MYO1B: variants seen among roughly 807,000 people sequenced by gnomAD.
MYO1B encodes the protein myosin IB.
MYO1B carries 72 observed loss-of-function variants against 159.7 expected under a neutral mutation model. The ratio of observed to expected loss-of-function variants is 0.45; its 90% CI spans 0.37 to 0.55. The LOEUF (loss-of-function observed/expected upper bound fraction) is 0.55. MYO1B is among the 20% of genes least tolerant of loss of function. The pLI is 0.00. For synonymous variants in MYO1B, 468 were observed against 473.8 expected (o/e 0.99, Z 0.16); for missense variants, 1,062 against 1,364.8 (o/e 0.78, Z 3.50).
At chr2:191,414,365 AC>A (rs1413986576) in intron 28 of MYO1B, 151 bp from the exon 29 acceptor site, 9 of 1,026,962 alleles carry the variant, frequency 8.8e-6, no homozygotes, top group Non-Finnish European at 1.2e-5. Flanking sequence ...ATGAAATAAA[AC>A]ATATTATTTA....
intron 29 of MYO1B, among the ~76,000 whole-genome samples, chr2:191,414,881 C>T (rs1159861976): frequency 6.6e-6 from 1 of 152,194 alleles, no homozygotes; most frequent in Admixed American, 6.5e-5. Context: ...CTTTTTGAGA[C>T]TAATACATAG....
rs73981596 is a variant in MYO1B, at chr2:191,359,224, T to C, written c.563-1407T>C. On this transcript the variant is annotated intron_variant, in intron 7 of 30. Coordinates refer to ENST00000392318, the MANE Select transcript of MYO1B (RefSeq NM_001130158.3). ...TGTCAGTTTTTACTTATTAATTGACTGAAACATTCCATTTTTTAGAGATGG... is the reference window on the plus strand; with the variant it reads ...TGTCAGTTTTTACTTATTAATTGACCGAAACATTCCATTTTTTAGAGATGG... 2.5e-3 allele frequency among the ~76,000 whole-genome samples: 379 copies of C among 152,268 alleles called. 3 individuals are homozygous for C. The highest frequency in any genetic ancestry group is 8.7e-3 in the African/African-American group (361 of 41,576).
chr2:191,246,369 TAAC>T (rs1559113327), intron 1 of MYO1B: 1 of 151,880 alleles, frequency 6.6e-6, no homozygotes, highest in East Asian at 1.9e-4. Flanking sequence ...GCTGGAGAGG[TAAC>T]TACAAACACA....
At chr2:191,362,425 G>A in intron 9 of MYO1B, 54 bp downstream of exon 9, 4 of 1,341,174 alleles carry the variant, frequency 3.0e-6, no homozygotes, top group Non-Finnish European at 4.2e-6. Context: ...GCATTGCTCA[G>A]CGGGAGCTGG....
At chr2:191,307,256 A>T (rs1689704920) in intron 3 of MYO1B, among the ~76,000 whole-genome samples, 1 of 151,800 alleles carries the variant, frequency 6.6e-6, no homozygotes. Context: ...GACCACGTAG[A>T]GTAACTTCCC....
chr2:191,340,609 T>C (rs909136580), intron 4 of MYO1B, among the ~76,000 whole-genome samples: 5 of 152,210 alleles, frequency 3.3e-5, no homozygotes, highest in African/African-American at 9.6e-5. Context: ...AAGACTACCA[T>C]GTCTGGAAAA....
intron 24 of MYO1B, among the ~76,000 whole-genome samples, chr2:191,405,258 T>C (rs1192386716): frequency 1.3e-5 from 2 of 152,228 alleles, no homozygotes; most frequent in Non-Finnish European, 2.9e-5. Context: ...TTCAGTCCCA[T>C]CTTCAGGTTT....
intron 1 of MYO1B, among the ~76,000 whole-genome samples, chr2:191,264,958 C>T (rs1456054371): frequency 2.0e-5 from 3 of 151,984 alleles, no homozygotes; most frequent in Admixed American, 2.0e-4. Context: ...TGCCCAGTGT[C>T]TCACTGTGAG....
chr2:191,246,134 C>G (rs112057280), intron 1 of MYO1B: 2 of 152,472 alleles, frequency 1.3e-5, no homozygotes, highest in African/African-American at 4.8e-5. Context: ...ACGCTGTGGG[C>G]CTCCCTGCGC....
At chr2:191,266,810 T>G (rs1014903617) in intron 1 of MYO1B, among the ~76,000 whole-genome samples, 1 of 152,142 alleles carries the variant, frequency 6.6e-6, no homozygotes, top group Non-Finnish European at 1.5e-5. Context: ...CATGTTGTTA[T>G]AGCAGCCGCT....
chr2:191,424,560 G>A lies in MYO1B; in HGVS notation c.*600G>A, dbSNP rs1299553910. The A allele has an allele frequency of 6.6e-6, 1 of 152,004 alleles. No individual in the cohort carries two copies. The highest frequency in any genetic ancestry group is 1.9e-4 in the East Asian group (1 of 5,192). The allele number at this position is 152,004 out of a possible 1,614,324, so 9.4% of individuals were successfully genotyped here. A position where few individuals can be genotyped will look rare whatever the true frequency, so the allele number is the denominator to read the frequency against. The stretch of plus-strand genomic sequence containing the variant: ...TCAAGAAGGGCTGGTCCTAAGAGGG[G>A]GCAGAAATGAATGACCAGGTTAAAT... On this transcript the variant is annotated 3_prime_UTR_variant, in exon 31 of 31. Coordinates refer to ENST00000392318, the MANE Select transcript of MYO1B (RefSeq NM_001130158.3).
At chr2:191,341,696 C>T (rs1692235677) in intron 5 of MYO1B, 131 bp downstream of exon 5, 3 of 625,676 alleles carry the variant, frequency 4.8e-6, no homozygotes, top group Non-Finnish European at 5.5e-6. Context: ...AGGCCAAGAC[C>T]TGCTGAGCAA....
chr2:191,301,453 A>G (rs993862249), intron 3 of MYO1B, among the ~76,000 whole-genome samples: 6 of 152,198 alleles, frequency 3.9e-5, no homozygotes, highest in African/African-American at 1.4e-4. Flanking sequence ...TTTGATCACA[A>G]CATGACACCA....
intron 3 of MYO1B, among the ~76,000 whole-genome samples, chr2:191,300,046 C>A (rs953637466): frequency 1.5e-4 from 23 of 152,150 alleles, no homozygotes; most frequent in African/African-American, 5.6e-4. Context: ...TTTTCCACTT[C>A]CTTTAGTGTA....
chr2:191,396,938 G>C (rs557214529), intron 21 of MYO1B, among the ~76,000 whole-genome samples: 1 of 152,054 alleles, frequency 6.6e-6, no homozygotes, highest in Non-Finnish European at 1.5e-5. Context: ...TAGTGGTGGG[G>C]ACATGGAGGA....
At chr2:191,349,269 A>AAG (rs1323610974) in intron 6 of MYO1B, among the ~76,000 whole-genome samples, 2 of 152,362 alleles carry the variant, frequency 1.3e-5, no homozygotes, top group African/African-American at 4.8e-5. Context: ...ATGATGAAAA[A>AAG]AGAGAAGGTG....
chr2:191,334,860 G>C (rs558041656), intron 4 of MYO1B, among the ~76,000 whole-genome samples: 2 of 152,158 alleles, frequency 1.3e-5, no homozygotes, highest in African/African-American at 4.8e-5. Context: ...ACAAAATAGA[G>C]CATTTAAACC....
chr2:191,323,396 G>C (rs1485506704), intron 3 of MYO1B, among the ~76,000 whole-genome samples: 1 of 152,128 alleles, frequency 6.6e-6, no homozygotes, highest in East Asian at 1.9e-4. Flanking sequence ...GCTCTGTTTT[G>C]AAGGTGTCTT....
chr2:191,405,615 A>G (rs1696870013), intron 24 of MYO1B, among the ~76,000 whole-genome samples: 1 of 152,220 alleles, frequency 6.6e-6, no homozygotes, highest in Non-Finnish European at 1.5e-5. Context: ...CAGGCATGAA[A>G]ACATTAATCT....
Sources: gnomAD v4.1 joint callset for allele counts (sites outside exome capture counted in the v4.1 genomes callset) on GRCh38, gnomAD v4.1.1 for gene constraint, MANE v1.5 for transcripts, NCBI Gene and HGNC (gene_info 2026-07-23, HGNC 2026-07-21) for gene names.